The following RALGPS2 variants were observed in gnomAD, a reference collection of about 807,000 sequenced individuals.
The protein encoded by RALGPS2 is ras-specific guanine nucleotide-releasing factor RalGPS2.
RALGPS2 carries 43 observed loss-of-function variants against 86.8 expected under a neutral mutation model. The observed-to-expected ratio is 0.50, with a 90% CI of 0.39 to 0.64. The LOEUF is 0.64. RALGPS2 is among the 30% of genes least tolerant of loss of function. The probability of loss-of-function intolerance (pLI) is 0.00; values close to 1 mark genes in which losing one functional copy is unlikely to be tolerated. For synonymous variants in RALGPS2, 243 were observed against 231.3 expected (o/e 1.05, Z -0.46); for missense variants, 536 against 694.6 (o/e 0.77, Z 2.57).
At chr1:178,913,248 C>T (rs891219856) in intron 19 of RALGPS2, among the ~76,000 whole-genome samples, 2 of 151,388 alleles carry the variant, frequency 1.3e-5, no homozygotes, top group Non-Finnish European at 2.9e-5. Context: ...TGCCACCGCA[C>T]TCCAGCCTGG....
intron 16 of RALGPS2, 72 bp from the exon 17 acceptor site, chr1:178,897,592 G>A: frequency 5.7e-6 from 7 of 1,233,506 alleles, no homozygotes; most frequent in Middle Eastern, 1.9e-4. Context: ...TTGATCATTG[G>A]CACTTAGAAT....
chr1:178,852,777 G>A (rs980044720), intron 8 of RALGPS2: 1 of 1,613,882 alleles, frequency 6.2e-7, no homozygotes, highest in Admixed American at 1.7e-5. Context: ...AAGTTCCCAG[G>A]CGCAGTCTAT....
Position 178,866,934 on chromosome 1 carries a change from G to A in RALGPS2, c.608-10564G>A, listed in dbSNP as rs557780550. 3.9e-5 allele frequency among the ~76,000 whole-genome samples: 6 copies of A among 152,240 alleles called. No individual in the cohort carries two copies. In the South Asian group the frequency reaches 1.2e-3, roughly 32 times the overall value. On this transcript the variant is annotated intron_variant, in intron 8 of 19. Transcript: ENST00000367635. ...CTAGTTACCTCCCACAAGAGTAGCA[G>A]AAGTAGAATGGGTAAGGTATGTTCA...
At chr1:178,803,681 T>G (rs1220743061) in intron 4 of RALGPS2, among the ~76,000 whole-genome samples, 1 of 146,602 alleles carries the variant, frequency 6.8e-6, no homozygotes, top group Non-Finnish European at 1.5e-5. Flanking sequence ...TGCTATAGAA[T>G]TGCTTTTTAT....
chr1:178,881,575 C>T (rs1469631086), intron 10 of RALGPS2, among the ~76,000 whole-genome samples: 5 of 152,058 alleles, frequency 3.3e-5, no homozygotes, highest in African/African-American at 9.7e-5. Context: ...CTCAGCCTCC[C>T]GAGTAGCTGG....
chr1:178,732,293 T>TTTTATTTATTTATTTATTTA lies in RALGPS2; in HGVS notation c.-84+6878_-84+6897dup, dbSNP rs60426564. 8.5e-3 allele frequency among the ~76,000 whole-genome samples: 1,283 copies of TTTTATTTATTTATTTATTTA among 150,220 alleles called. 16 individuals carry two copies. Among genetic ancestry groups the TTTTATTTATTTATTTATTTA allele is most frequent in the African/African-American group, 0.019 (782 of 40,848 alleles). ...TTCTGAATTTTATGTTCCTGATTTATTTTATTTATTTATTTATTTATTTGA... is the reference window on the plus strand; with the variant it reads ...TTCTGAATTTTATGTTCCTGATTTATTTTATTTATTTATTTATTTATTTATTTATTTATTTATTTATTTGA... On this transcript the variant is annotated intron_variant, in intron 1 of 19. Coordinates refer to ENST00000367635, the MANE Select transcript of RALGPS2 (RefSeq NM_152663.5).
intron 1 of RALGPS2, among the ~76,000 whole-genome samples, chr1:178,726,849 C>CT (rs1650042749): frequency 5.3e-5 from 8 of 152,190 alleles, no homozygotes; most frequent in African/African-American, 1.9e-4. Context: ...ATAGCTTGCT[C>CT]ATTATAAAGC....
chr1:178,852,847 CT>C, intron 8 of RALGPS2: 1 of 1,613,914 alleles, frequency 6.2e-7, no homozygotes, highest in Non-Finnish European at 8.5e-7. Context: ...TTTTTTATCA[CT>C]CCAGTCTTCT....
At chr1:178,890,145 A>G (rs535563181) in intron 14 of RALGPS2, among the ~76,000 whole-genome samples, 2 of 152,078 alleles carry the variant, frequency 1.3e-5, no homozygotes, top group South Asian at 4.1e-4. Context: ...TAGAATTTAA[A>G]TGGTCATAAA....
chr1:178,844,761 A>G (rs1463159254), intron 8 of RALGPS2, among the ~76,000 whole-genome samples: 1 of 152,216 alleles, frequency 6.6e-6, no homozygotes, highest in Non-Finnish European at 1.5e-5. Context: ...TGCTGACGAG[A>G]GCAAACTAGA....
intron 19 of RALGPS2, among the ~76,000 whole-genome samples, chr1:178,913,925 G>T (rs1402623973): frequency 2.0e-5 from 3 of 152,184 alleles, no homozygotes; most frequent in Non-Finnish European, 4.4e-5. Context: ...CACTTCCTCA[G>T]GGGCCACTGT....
At chr1:178,914,493 T>G (rs1309040800) in intron 19 of RALGPS2, among the ~76,000 whole-genome samples, 3 of 152,156 alleles carry the variant, frequency 2.0e-5, no homozygotes, top group Non-Finnish European at 4.4e-5. Flanking sequence ...TCTTCGCTCT[T>G]CAACCCTGGT....
At chr1:178,890,011 A>G (rs1659654045) in intron 14 of RALGPS2, among the ~76,000 whole-genome samples, 1 of 151,970 alleles carries the variant, frequency 6.6e-6, no homozygotes, top group African/African-American at 2.4e-5. Flanking sequence ...TATTTCCTTA[A>G]GTTCTGGTTC....
chr1:178,746,663 A>G, intron 1 of RALGPS2: 1 of 770,344 alleles, frequency 1.3e-6, no homozygotes, highest in Non-Finnish European at 2.4e-6. Flanking sequence ...TAGCTGCAGA[A>G]TATTCTCAAG....
chr1:178,890,855 A>G (rs1442841737), intron 14 of RALGPS2, among the ~76,000 whole-genome samples: 3 of 151,882 alleles, frequency 2.0e-5, no homozygotes, highest in African/African-American at 2.4e-5. Flanking sequence ...TGCAACCTTT[A>G]CTTCTGATCT....
chr1:178,910,852 G>A (rs1234853848), intron 19 of RALGPS2, among the ~76,000 whole-genome samples: 4 of 152,120 alleles, frequency 2.6e-5, no homozygotes, highest in African/African-American at 4.8e-5. Context: ...GCTCTTTTTC[G>A]TACATATGGT....
intron 17 of RALGPS2, among the ~76,000 whole-genome samples, chr1:178,900,615 GA>G (rs1660132078): frequency 6.6e-6 from 1 of 151,934 alleles, no homozygotes. Context: ...TAATATTTAT[GA>G]CAACAGAAAT....
At chr1:178,822,855 T>G (rs1432404573) in intron 7 of RALGPS2, among the ~76,000 whole-genome samples, 1 of 152,164 alleles carries the variant, frequency 6.6e-6, no homozygotes, top group Non-Finnish European at 1.5e-5. Context: ...CTATTTTTAT[T>G]TTTTGCATCC....
At chr1:178,817,149 C>A (rs1266270751) in intron 6 of RALGPS2, among the ~76,000 whole-genome samples, 2 of 151,452 alleles carry the variant, frequency 1.3e-5, no homozygotes, top group Non-Finnish European at 2.9e-5. Flanking sequence ...CACTTGAGGT[C>A]AGGAGTTTGA....
Sources: allele counts gnomAD v4.1 joint callset (sites outside exome capture counted in the v4.1 genomes callset), GRCh38; gene constraint gnomAD v4.1.1; transcripts MANE v1.5; gene names NCBI Gene and HGNC (gene_info 2026-07-23, HGNC 2026-07-21).